The following IVL variants were observed in gnomAD, a reference collection of about 807,000 sequenced individuals.
IVL encodes involucrin.
For synonymous variants in IVL, 257 were observed against 271.0 expected (o/e 0.95, Z 0.51); for missense variants, 722 against 624.9 (o/e 1.16, Z -1.66).
At position 152,911,045 on chromosome 1, in the gene IVL, G is replaced by A; in HGVS notation, c.1248G>A (p.Gln416=). 1 of 1,551,026 alleles carries A rather than the reference G, an allele frequency of 6.4e-7. No individual in the cohort carries two copies. The highest frequency in any genetic ancestry group is 1.2e-5 in the South Asian group (1 of 83,990). The change falls in exon 2 of 2, where the codon CAG becomes CAA. Residue 416 remains glutamine (Q), a synonymous_variant. Transcript: ENST00000368764. ...LVQQEGQLEQ[Q]ERQVEHLEQQ... ...AGCAGGAGGGGCAGCTGGAGCAGCA[G>A]GAGAGGCAGGTGGAGCACCTGGAGC...
At chr1:152,909,688 T>C in intron 1 of IVL, 91 bp from the exon 2 acceptor site, 1 of 979,234 alleles carries the variant, frequency 1.0e-6, no homozygotes, top group East Asian at 2.6e-5. Context: ...GAAGAGGGGA[T>C]GCTAAAAAAC....
In IVL at chr1:152,911,756, A is replaced by G; in HGVS notation, c.*201A>G. 3 of 593,050 alleles carry G rather than the reference A, an allele frequency of 5.1e-6. No individual in the cohort carries two copies. The South Asian group carries it at 7.1e-5, about 14-fold the overall frequency. 36.7% of individuals were successfully genotyped at this position (593,050 alleles called of 1,614,324 possible). A position where few individuals can be genotyped will look rare whatever the true frequency, so the allele number is the denominator to read the frequency against. Reference sequence around the variant, plus strand: ...GCCAACCCCAATGACCCCAATCCCAACCTCAGGTGAGCAGAGCCTCTACTT... The same window carrying G: ...GCCAACCCCAATGACCCCAATCCCAGCCTCAGGTGAGCAGAGCCTCTACTT... On this transcript the variant is annotated 3_prime_UTR_variant, in exon 2 of 2. Transcript: ENST00000368764.
chr1:152,911,052 C>G lies in IVL; in HGVS notation c.1255C>G (p.Gln419Glu). Residue 419 changes from glutamine to glutamate, a missense_variant, in exon 2 of 2, where the codon CAG (glutamine) becomes GAG (glutamate). By Grantham distance (29) the Gln-to-Glu change is conservative. Coordinates refer to ENST00000368764, the MANE Select transcript of IVL (RefSeq NM_005547.4). Reference protein sequence around the residue: ...QEGQLEQQERQVEHLEQQVGQ... With the variant: ...QEGQLEQQEREVEHLEQQVGQ... Reference sequence around the variant, plus strand: ...GGGGCAGCTGGAGCAGCAGGAGAGGCAGGTGGAGCACCTGGAGCAGCAGGT... The same window carrying G: ...GGGGCAGCTGGAGCAGCAGGAGAGGGAGGTGGAGCACCTGGAGCAGCAGGT... 2 of 1,550,988 alleles carry G rather than the reference C, an allele frequency of 1.3e-6. No individual in the cohort carries two copies. Among genetic ancestry groups the G allele is most frequent in the South Asian group, 1.2e-5 (1 of 83,982 alleles).
rs2101500738 is a variant in IVL at position 152,911,652 on chromosome 1, A to G, written c.*97A>G. On this transcript the variant is annotated 3_prime_UTR_variant, in exon 2 of 2. Transcript: ENST00000368764. ...TCGGGTCCGCTAGGTGGCCCGTCTC[A>G]TCTGTGAACTTGACTCTGTCCCTCT... The G allele has an allele frequency of 1.7e-6, 2 of 1,148,026 alleles. No homozygotes were observed. Among genetic ancestry groups the G allele is most frequent in the Admixed American group, 2.3e-5 (1 of 43,836 alleles). The allele number at this position is 1,148,026 out of a possible 1,614,324, so 71.1% of individuals were successfully genotyped here.
At chr1:152,909,512 C>G (rs969391271) in intron 1 of IVL, among the ~76,000 whole-genome samples, 3 of 152,166 alleles carry the variant, frequency 2.0e-5, no homozygotes, top group Non-Finnish European at 4.4e-5. Context: ...ACCTGACCCA[C>G]CCTTGCAGAA....
Position 152,911,161 on chromosome 1 carries a change from A to G in IVL, c.1364A>G (p.Gln455Arg). ...QQQGQLEVPE[Q>R]QVGQPKNLEQ... ...CAGGGGCAGTTGGAGGTCCCAGAGC[A>G]GCAGGTGGGGCAGCCAAAGAACCTG... is the stretch of plus-strand genomic sequence containing the variant. Residue 455 changes from glutamine to arginine, a missense_variant, in exon 2 of 2, where the codon CAG (glutamine) becomes CGG (arginine). By Grantham distance (43) the Gln-to-Arg change is conservative. Coordinates refer to ENST00000368764, the MANE Select transcript of IVL (RefSeq NM_005547.4). 1 of 1,558,358 alleles carries G rather than the reference A, an allele frequency of 6.4e-7. No individual in the cohort carries two copies. The highest frequency in any genetic ancestry group is 8.7e-7 in the Non-Finnish European group (1 of 1,150,986).
rs757205553 is a variant in IVL, at chr1:152,910,836, G to T, written c.1039G>T (p.Glu347Ter). Residue 347 changes from glutamate to a stop codon, truncating the protein, a stop_gained, in exon 2 of 2, where the codon GAG becomes TAG. Coordinates refer to ENST00000368764, the MANE Select transcript of IVL (RefSeq NM_005547.4). LOFTEE classifies it low-confidence loss of function (END_TRUNC). ...EEQEGQLKHL[E>*]QQEGQLEHLE... ...GCAGGAGGGGCAGCTGAAGCACCTGGAGCAGCAGGAGGGGCAGCTGGAGCA... is the reference window on the plus strand; with the variant it reads ...GCAGGAGGGGCAGCTGAAGCACCTGTAGCAGCAGGAGGGGCAGCTGGAGCA... 6.4e-6 allele frequency: 10 copies of T among 1,551,380 alleles called. No homozygotes were observed. In the South Asian group the frequency reaches 1.2e-4, roughly 18 times the overall value.
Position 152,911,155 on chromosome 1 carries a change from C to A in IVL, c.1358C>A (p.Pro453Gln). 6.4e-7 allele frequency: 1 copy of A among 1,554,036 alleles called. No homozygotes were observed. The highest frequency in any genetic ancestry group is 8.7e-7 in the Non-Finnish European group (1 of 1,149,376). ...CAGCAGCAGGGGCAGTTGGAGGTCCCAGAGCAGCAGGTGGGGCAGCCAAAG... is the reference window on the plus strand; with the variant it reads ...CAGCAGCAGGGGCAGTTGGAGGTCCAAGAGCAGCAGGTGGGGCAGCCAAAG... ...LEQQQGQLEV[P>Q]EQQVGQPKNL... is the part of the protein sequence containing the mutation. Residue 453 changes from proline to glutamine, a missense_variant, in exon 2 of 2, where the codon CCA becomes CAA. By Grantham distance (76) the Pro-to-Gln change is moderately conservative. Transcript: ENST00000368764.
Position 152,911,274 on chromosome 1 carries a change from C to G in IVL, c.1477C>G (p.Pro493Ala), listed in dbSNP as rs747169381. The G allele has an allele frequency of 1.5e-5, 23 of 1,562,198 alleles. No individual in the cohort carries two copies. The change falls in exon 2 of 2, where the codon CCA becomes GCA. Residue 493 changes from proline (P) to alanine (A), a missense_variant. Coordinates refer to ENST00000368764, the MANE Select transcript of IVL (RefSeq NM_005547.4). ...LEKQEAQLEL[P>A]EQQVGQPKHL... ...GAAGCAGGAGGCACAGCTGGAGCTCCCAGAGCAGCAGGTAGGACAGCCAAA... is the reference window on the plus strand; with the variant it reads ...GAAGCAGGAGGCACAGCTGGAGCTCGCAGAGCAGCAGGTAGGACAGCCAAA...
Position 152,911,373 on chromosome 1 carries a change from C to A in IVL, c.1576C>A (p.Gln526Lys), listed in dbSNP as rs760551849. The A allele has an allele frequency of 6.2e-7, 1 of 1,611,960 alleles. No individual in the cohort carries two copies. The highest frequency in any genetic ancestry group is 1.7e-5 in the Admixed American group (1 of 59,622). Reference protein sequence around the residue: ...QDGQLKHLEQQEGQLKDLEQQ... With the variant: ...QDGQLKHLEQKEGQLKDLEQQ... Reference sequence around the variant, plus strand: ...CGGACAACTAAAACATCTGGAGCAGCAGGAGGGGCAGCTGAAGGACCTGGA... The same window carrying A: ...CGGACAACTAAAACATCTGGAGCAGAAGGAGGGGCAGCTGAAGGACCTGGA... Residue 526 changes from glutamine (Q) to lysine (K), a missense_variant, in exon 2 of 2, where the codon CAG becomes AAG. Coordinates refer to ENST00000368764, the MANE Select transcript of IVL (RefSeq NM_005547.4).
At chr1:152,909,646 C>A (rs887195579) in intron 1 of IVL, 133 bp from the exon 2 acceptor site, 22 of 672,176 alleles carry the variant, frequency 3.3e-5, no homozygotes, top group African/African-American at 3.3e-4. Flanking sequence ...AAATGATAGT[C>A]CAGAGGTGGT....
chr1:152,909,978 G>A lies in IVL; in HGVS notation c.181G>A (p.Glu61Lys), dbSNP rs868067456. Reference sequence around the variant, plus strand: ...AGTGGAGGTCCCATCAAAGCAAGAGGAAAAGCACATGACTGCTGTAAAGGG... The same window carrying A: ...AGTGGAGGTCCCATCAAAGCAAGAGAAAAAGCACATGACTGCTGTAAAGGG... ...LPVEVPSKQE[E>K]KHMTAVKGLP... is the part of the protein sequence containing the mutation. The change falls in exon 2 of 2, where the codon GAA (glutamate) becomes AAA (lysine). Residue 61 changes from glutamate to lysine, a missense_variant. By Grantham distance (56) the Glu-to-Lys change is moderately conservative. Coordinates refer to ENST00000368764, the MANE Select transcript of IVL (RefSeq NM_005547.4). The A allele has an allele frequency of 5.0e-6, 8 of 1,614,050 alleles. No individual in the cohort carries two copies. Among genetic ancestry groups the A allele is most frequent in the Non-Finnish European group, 5.9e-6 (7 of 1,180,050 alleles).
chr1:152,910,077 C>T lies in IVL; in HGVS notation c.280C>T (p.Gln94Ter). 1.2e-6 allele frequency: 2 copies of T among 1,614,160 alleles called. No homozygotes were observed. The highest frequency in any genetic ancestry group is 1.3e-5 in the African/African-American group (1 of 75,056). Residue 94 changes from glutamine to a stop codon, truncating the protein, a stop_gained, in exon 2 of 2, where the codon CAG (glutamine) becomes TAG (stop). Coordinates refer to ENST00000368764, the MANE Select transcript of IVL (RefSeq NM_005547.4). LOFTEE classifies it low-confidence loss of function (END_TRUNC). ...EQELQQQHWE[Q>*]HEEYQKAENP... ...GGAGCTGCAGCAACAGCACTGGGAA[C>T]AGCATGAGGAATATCAGAAAGCAGA...
At chr1:152,909,217 C>G (rs928580154) in intron 1 of IVL, among the ~76,000 whole-genome samples, 37 of 152,070 alleles carry the variant, frequency 2.4e-4, no homozygotes, top group African/African-American at 8.7e-4. Context: ...AAAACCAAAT[C>G]CCAGGAGACT....
In IVL at chr1:152,911,287, T is replaced by G. The variant is rs1008000846; in HGVS notation, c.1490T>G (p.Val497Gly). The change falls in exon 2 of 2, where the codon GTA becomes GGA. Residue 497 changes from valine to glycine, a missense_variant. By Grantham distance (109) the Val-to-Gly change is moderately radical (BLOSUM62 -3). Coordinates refer to ENST00000368764, the MANE Select transcript of IVL (RefSeq NM_005547.4). ...CAGCTGGAGCTCCCAGAGCAGCAGG[T>G]AGGACAGCCAAAGCACCTGGAACAG... ...EAQLELPEQQ[V>G]GQPKHLEQQE... 6.4e-7 allele frequency: 1 copy of G among 1,562,078 alleles called. No homozygotes were observed. The highest frequency in any genetic ancestry group is 2.0e-5 in the Admixed American group (1 of 51,020).
chr1:152,911,273 C>T lies in IVL; in HGVS notation c.1476C>T (p.Leu492=). Reference sequence around the variant, plus strand: ...AGAAGCAGGAGGCACAGCTGGAGCTCCCAGAGCAGCAGGTAGGACAGCCAA... The same window carrying T: ...AGAAGCAGGAGGCACAGCTGGAGCTTCCAGAGCAGCAGGTAGGACAGCCAA... ...HLEKQEAQLE[L]PEQQVGQPKH... The change falls in exon 2 of 2, where the codon CTC becomes CTT. Residue 492 remains leucine, a synonymous_variant. Coordinates refer to ENST00000368764, the MANE Select transcript of IVL (RefSeq NM_005547.4). 1 of 1,561,598 alleles carries T rather than the reference C, an allele frequency of 6.4e-7. No homozygotes were observed. Among genetic ancestry groups the T allele is most frequent in the Non-Finnish European group, 8.7e-7 (1 of 1,152,892 alleles).
rs56809825 is a variant in IVL at position 152,909,235 on chromosome 1, A to G, written c.-19-544A>G. Among the ~76,000 whole-genome samples the G allele has an allele frequency of 6.7e-3, 1,022 of 152,270 alleles. 15 individuals carry two copies. The highest frequency in any genetic ancestry group is 0.023 in the African/African-American group (959 of 41,554). On this transcript the variant is annotated intron_variant, in intron 1 of 1. Transcript: ENST00000368764. ...ACCAAATCCCAGGAGACTAAGTGAC[A>G]TGCCCAGAAACACACAGCATTCCAA... is the stretch of plus-strand genomic sequence containing the variant.
chr1:152,911,622 T>A lies in IVL; in HGVS notation c.*67T>A. The A allele has an allele frequency of 6.8e-7, 1 of 1,467,796 alleles. No homozygotes were observed. The highest frequency in any genetic ancestry group is 1.4e-5 in the African/African-American group (1 of 70,972). The allele number at this position is 1,467,796 out of a possible 1,614,324, so 90.9% of individuals were successfully genotyped here. A position where few individuals can be genotyped will look rare whatever the true frequency, so the allele number is the denominator to read the frequency against. ...GGGAAGAGAGAGCCACTGGCTCCAC[T>A]TATTTCGGGTCCGCTAGGTGGCCCG... On this transcript the variant is annotated 3_prime_UTR_variant, in exon 2 of 2. Coordinates refer to ENST00000368764, the MANE Select transcript of IVL (RefSeq NM_005547.4).
rs1649968870 is a variant in IVL at position 152,911,017 on chromosome 1, TGCAGCAGGAGGGGCAGCTGGA to T, written c.1231_1251del (p.Gly411_Glu417del). The T allele has an allele frequency of 7.4e-7, 1 of 1,348,014 alleles. No homozygotes were observed. The highest frequency in any genetic ancestry group is 9.6e-7 in the Non-Finnish European group (1 of 1,036,598). 83.5% of individuals were successfully genotyped at this position (1,348,014 alleles called of 1,614,324 possible). On this transcript the variant is annotated inframe_deletion, in exon 2 of 2. Coordinates refer to ENST00000368764, the MANE Select transcript of IVL (RefSeq NM_005547.4). ...CAGGAGGGGCAGCTGAAGCATCTGG[TGCAGCAGGAGGGGCAGCTGGA>T]GCAGCAGGAGAGGCAGGTGGAGCAC... is the stretch of plus-strand genomic sequence containing the variant.
Sources: allele counts gnomAD v4.1 joint callset (sites outside exome capture counted in the v4.1 genomes callset), GRCh38; gene constraint gnomAD v4.1.1; transcripts MANE v1.5; gene names NCBI Gene and HGNC (gene_info 2026-07-23, HGNC 2026-07-21).